Variants in HYDIN observed in about 807,000 individuals in gnomAD.
HYDIN encodes the protein axonemal central pair apparatus protein HYDIN.
In HYDIN, 132 loss-of-function variants were observed where a neutral mutation model predicts 403.9. The observed-to-expected ratio is 0.33, with a 90% CI of 0.28 to 0.38. The LOEUF (loss-of-function observed/expected upper bound fraction) is 0.38, where lower values mean the gene tolerates loss of function less well. Among genes scored for constraint, HYDIN ranks in the 10% least tolerant of loss-of-function variants. HYDIN has a pLI of 1.00. For missense variants in HYDIN, 2,827 were observed against 5,009.5 expected, an observed-to-expected ratio of 0.56 and a Z score of 13.15; for synonymous variants, 1,202 against 1,891.7, an observed-to-expected ratio of 0.64 and a Z score of 9.46.
At chr16:70,847,579 T>C (rs1158407007) in intron 75 of HYDIN, among the ~76,000 whole-genome samples, 1 of 152,182 alleles carries the variant, frequency 6.6e-6, no homozygotes, top group East Asian at 1.9e-4. Context: ...TGGGAACTAT[T>C]TAGAAATAGT....
chr16:70,946,947 A>G (rs369025349), intron 41 of HYDIN, among the ~76,000 whole-genome samples: 263 of 152,222 alleles, frequency 1.7e-3, no homozygotes, highest in East Asian at 0.013. Flanking sequence ...GGGCTGAGAC[A>G]ATGGGGTTTT....
intron 75 of HYDIN, among the ~76,000 whole-genome samples, chr16:70,847,602 A>G (rs1344865331): frequency 1.3e-5 from 2 of 152,132 alleles, no homozygotes; most frequent in Admixed American, 6.5e-5. Context: ...TACTAGATAT[A>G]AAATTCCTTG....
intron 36 of HYDIN, among the ~76,000 whole-genome samples, chr16:70,968,693 T>G (rs1581104): frequency 2.1e-4 from 32 of 151,956 alleles, no homozygotes; most frequent in African/African-American, 7.3e-4. Flanking sequence ...AAACAAAATT[T>G]AAATAAGGTC....
chr16:71,216,124 A>G (rs535307535), intron 1 of HYDIN, among the ~76,000 whole-genome samples: 86 of 152,362 alleles, frequency 5.6e-4, no homozygotes, highest in African/African-American at 1.9e-3. Flanking sequence ...CCTGGTAGAC[A>G]GTCCAGAGAA....
rs534724212 is a variant in HYDIN at position 71,071,015 on chromosome 16, T to G, written c.1739-1513A>C. Among the ~76,000 whole-genome samples the G allele has an allele frequency of 3.3e-5, 5 of 152,156 alleles. No homozygotes were observed. The East Asian group carries it at 9.7e-4, about 30-fold the overall frequency. ...TTCTTGGAAATTCCAGAGGAACTGC[T>G]TGGAAGGCAGCTTCACAATCATGCT... On this transcript the variant is annotated intron_variant, in intron 13 of 85. Coordinates refer to ENST00000393567, the MANE Select transcript of HYDIN (RefSeq NM_001270974.2).
chr16:70,996,168 C>A (rs2079526144), intron 23 of HYDIN, among the ~76,000 whole-genome samples: 1 of 152,066 alleles, frequency 6.6e-6, no homozygotes, highest in South Asian at 2.1e-4. Flanking sequence ...CTTCTGAAAT[C>A]ACATCTTCCC....
At chr16:71,197,510 G>A (rs923971295) in intron 1 of HYDIN, among the ~76,000 whole-genome samples, 2 of 152,136 alleles carry the variant, frequency 1.3e-5, no homozygotes, top group African/African-American at 2.4e-5. Context: ...GTAGATAAGA[G>A]ATAAAGTGAT....
chr16:71,009,622 T>C (rs2080009383), intron 23 of HYDIN, among the ~76,000 whole-genome samples: 1 of 151,968 alleles, frequency 6.6e-6, no homozygotes, highest in Non-Finnish European at 1.5e-5. Flanking sequence ...ACTTTGCAGA[T>C]GTGATTAAGT....
chr16:71,133,140 A>C (rs2084779103), intron 8 of HYDIN: 1 of 421,506 alleles, frequency 2.4e-6, no homozygotes, highest in South Asian at 1.7e-5. Context: ...TCAGGTACTC[A>C]AGGCCTGTAA....
intron 18 of HYDIN, among the ~76,000 whole-genome samples, chr16:71,037,983 T>C (rs2081150641): frequency 6.6e-6 from 1 of 152,208 alleles, no homozygotes; most frequent in African/African-American, 2.4e-5. Flanking sequence ...GTTCCATCTA[T>C]TTGTTCCAAA....
chr16:71,209,890 A>G (rs1432755487), intron 1 of HYDIN, among the ~76,000 whole-genome samples: 2 of 152,222 alleles, frequency 1.3e-5, no homozygotes, highest in Non-Finnish European at 2.9e-5. Context: ...CAGAGACAAC[A>G]CAAACAAATG....
At chr16:70,943,070 C>T (rs552818367) in intron 42 of HYDIN, among the ~76,000 whole-genome samples, 9 of 152,146 alleles carry the variant, frequency 5.9e-5, no homozygotes, top group South Asian at 2.1e-4. Flanking sequence ...AATATTGTGG[C>T]CCTAGTTGAG....
intron 47 of HYDIN, among the ~76,000 whole-genome samples, chr16:70,917,267 A>G (rs2076868783): frequency 6.6e-6 from 1 of 152,246 alleles, no homozygotes; most frequent in South Asian, 2.1e-4. Context: ...TTTCTTCTTT[A>G]TCTTTTCAAT....
intron 84 of HYDIN, among the ~76,000 whole-genome samples, chr16:70,813,929 A>G (rs2143439752): frequency 6.6e-6 from 1 of 152,358 alleles, no homozygotes; most frequent in South Asian, 2.1e-4. Context: ...CAGTAATTAG[A>G]TCATTATGAT....
intron 84 of HYDIN, among the ~76,000 whole-genome samples, chr16:70,813,754 T>C (rs2035656062): frequency 6.6e-6 from 1 of 150,458 alleles, no homozygotes; most frequent in African/African-American, 2.4e-5. Context: ...TCAAAATTGA[T>C]ATGTAAATGT....
chr16:70,881,879 C>G (rs2040828780), intron 60 of HYDIN, among the ~76,000 whole-genome samples: 1 of 152,192 alleles, frequency 6.6e-6, no homozygotes, highest in African/African-American at 2.4e-5. Flanking sequence ...CTTCATAAAA[C>G]TAGAGTATTT....
chr16:71,112,553 G>A (rs1019503250), intron 10 of HYDIN, among the ~76,000 whole-genome samples: 6 of 152,186 alleles, frequency 3.9e-5, no homozygotes, highest in Admixed American at 1.3e-4. Flanking sequence ...AAACTAAAAT[G>A]AGGCATAGTT....
chr16:71,106,286 CA>C (rs1240907396), intron 10 of HYDIN, among the ~76,000 whole-genome samples: 2 of 152,108 alleles, frequency 1.3e-5, no homozygotes, highest in Non-Finnish European at 2.9e-5. Context: ...TGTATTTTCA[CA>C]AAGTATTTCC....
intron 19 of HYDIN, among the ~76,000 whole-genome samples, chr16:71,028,115 G>A (rs1257376939): frequency 6.6e-6 from 1 of 150,618 alleles, no homozygotes; most frequent in African/African-American, 2.4e-5. Flanking sequence ...TCCCCAGCAG[G>A]CCCCACACAC....
Sources: allele counts gnomAD v4.1 joint callset (sites outside exome capture counted in the v4.1 genomes callset), GRCh38; gene constraint gnomAD v4.1.1; transcripts MANE v1.5; gene names NCBI Gene and HGNC (gene_info 2026-07-23, HGNC 2026-07-21).